MYO6: variants seen among roughly 807,000 people sequenced by gnomAD.
The protein encoded by MYO6 is myosin VI, also known as unconventional myosin-VI.
In MYO6, 74 loss-of-function variants were observed where a neutral mutation model predicts 178.7. The observed-to-expected ratio is 0.41, with a 90% CI of 0.34 to 0.50. The LOEUF is 0.50. Among genes scored for constraint, MYO6 ranks in the 20% least tolerant of loss-of-function variants. MYO6 has a pLI of 0.09. For synonymous variants in MYO6, 477 were observed against 504.6 expected (o/e 0.95, Z 0.73); for missense variants, 1,330 against 1,547.4 (o/e 0.86, Z 2.36).
Position 75,919,323 on chromosome 6 carries a change from T to C in MYO6, c.*4311T>C, listed in dbSNP as rs772463932. On this transcript the variant is annotated 3_prime_UTR_variant, in exon 35 of 35. Transcript: ENST00000369977. ...TCGGTTATTCCACTCTTTATGTCCA[T>C]ATCTACACATTCAATCCTAATTTGT... 6.6e-6 allele frequency: 1 copy of C among 151,616 alleles called. No homozygotes were observed. The highest frequency in any genetic ancestry group is 1.5e-5 in the Non-Finnish European group (1 of 67,822). 9.4% of individuals were successfully genotyped at this position (151,616 alleles called of 1,614,324 possible). A position where few individuals can be genotyped will look rare whatever the true frequency, so the allele number is the denominator to read the frequency against.
At chr6:75,823,858 A>T (rs1003483477) in intron 3 of MYO6, among the ~76,000 whole-genome samples, 13 of 152,244 alleles carry the variant, frequency 8.5e-5, no homozygotes, top group African/African-American at 2.9e-4. Context: ...ATTAGAGATG[A>T]TATAAAGTGC....
At chr6:75,827,642 T>G (rs530626324) in intron 3 of MYO6, among the ~76,000 whole-genome samples, 2 of 152,182 alleles carry the variant, frequency 1.3e-5, no homozygotes, top group East Asian at 3.9e-4. Context: ...AGAACTAAAC[T>G]GGTATTGGAG....
intron 1 of MYO6, among the ~76,000 whole-genome samples, chr6:75,778,596 C>CAA (rs760998259): frequency 1.8e-5 from 2 of 110,610 alleles, no homozygotes; most frequent in African/African-American, 3.4e-5. Flanking sequence ...GACTCCGTCT[C>CAA]AAAAAAAAAA....
intron 1 of MYO6, among the ~76,000 whole-genome samples, chr6:75,770,809 A>G (rs1421861599): frequency 6.6e-6 from 1 of 152,044 alleles, no homozygotes; most frequent in East Asian, 1.9e-4. Flanking sequence ...TCCAATGACC[A>G]TTGTTTGTGT....
chr6:75,790,447 G>A (rs1158308785), intron 1 of MYO6, among the ~76,000 whole-genome samples: 1 of 150,016 alleles, frequency 6.7e-6, no homozygotes, highest in Non-Finnish European at 1.5e-5. Flanking sequence ...GCACGATCTC[G>A]GCTCACTCAC....
At chr6:75,756,712 A>C (rs1382957954) in intron 1 of MYO6, among the ~76,000 whole-genome samples, 2 of 152,112 alleles carry the variant, frequency 1.3e-5, no homozygotes, top group Non-Finnish European at 2.9e-5. Flanking sequence ...ACATTAGCTC[A>C]ATCACTGTGT....
chr6:75,900,668 T>G (rs553816607), intron 30 of MYO6, among the ~76,000 whole-genome samples: 2 of 152,300 alleles, frequency 1.3e-5, no homozygotes, highest in East Asian at 3.9e-4. Flanking sequence ...GAAAATTTTC[T>G]CCCATTTTGT....
At chr6:75,855,632 C>A (rs1775666178) in intron 12 of MYO6, among the ~76,000 whole-genome samples, 2 of 152,100 alleles carry the variant, frequency 1.3e-5, no homozygotes, top group African/African-American at 4.8e-5. Context: ...TTAAGCAGAT[C>A]TCACTTCAGC....
intron 3 of MYO6, among the ~76,000 whole-genome samples, chr6:75,826,920 GA>G (rs980185367): frequency 1.0e-4 from 15 of 146,514 alleles, no homozygotes; most frequent in Non-Finnish European, 1.8e-4. Context: ...CTCAAAAAAA[GA>G]AAAAAAAAAG....
At position 75,812,003 on chromosome 6, in the gene MYO6, T is replaced by A. The variant is rs182799686; in HGVS notation, c.-47-5498T>A. ...GGTGGAGCTGAGTTTCAAGCCTAGG[T>A]TTTTTTTTCTGTTTTTTGTTTTTTG... On this transcript the variant is annotated intron_variant, in intron 1 of 34. Coordinates refer to ENST00000369977, the MANE Select transcript of MYO6 (RefSeq NM_004999.4). Among the ~76,000 whole-genome samples, 35 of 135,002 alleles carry A rather than the reference T, an allele frequency of 2.6e-4. 1 individual carries two copies. In the East Asian group the frequency reaches 6.1e-3, roughly 23 times the overall value. The allele number at this position is 135,002 out of a possible 152,430, so 88.6% of individuals were successfully genotyped here.
intron 1 of MYO6, among the ~76,000 whole-genome samples, chr6:75,807,488 G>T (rs1214862792): frequency 6.6e-6 from 1 of 151,920 alleles, no homozygotes; most frequent in Non-Finnish European, 1.5e-5. Flanking sequence ...TTTGATGCTG[G>T]ATTATTTTTA....
In MYO6 at chr6:75,905,841, AGAAT is replaced by A. The variant is rs775463867; in HGVS notation, c.3177-1760_3177-1757del. Among the ~76,000 whole-genome samples, 36 of 152,232 alleles carry A rather than the reference AGAAT, an allele frequency of 2.4e-4. 1 individual carries two copies. The highest frequency in any genetic ancestry group is 8.8e-5 in the Non-Finnish European group (6 of 68,032). ...TGAAGTATGCTATTTTTTATTTTCT[AGAAT>A]GAAAGCATACAGAGACCTTTTAAAG... On this transcript the variant is annotated intron_variant, in intron 30 of 34. Coordinates refer to ENST00000369977, the MANE Select transcript of MYO6 (RefSeq NM_004999.4).
intron 8 of MYO6, 75 bp downstream of exon 8, chr6:75,840,757 T>G: frequency 9.3e-7 from 1 of 1,080,686 alleles, no homozygotes; most frequent in African/African-American, 1.6e-5. Flanking sequence ...TGGTGCTGTA[T>G]TTGCACTTAA....
rs1181208519 is a variant in MYO6, at chr6:75,855,239, AGTCAT to A, written c.1181_1185del (p.Val394AlafsTer26). On this transcript the variant is annotated frameshift_variant, in exon 12 of 35. Coordinates refer to ENST00000369977, the MANE Select transcript of MYO6 (RefSeq NM_004999.4). LOFTEE classifies it high-confidence loss of function. ...ATCTTCGAGTAAGTTTGACCACAAGAGTCATGCTAACAACAGCAGGGGGCACCAAA... is the reference window on the plus strand; with the variant it reads ...ATCTTCGAGTAAGTTTGACCACAAGAGCTAACAACAGCAGGGGGCACCAAA... 6.2e-7 allele frequency: 1 copy of A among 1,613,630 alleles called. No individual in the cohort carries two copies. The highest frequency in any genetic ancestry group is 8.5e-7 in the Non-Finnish European group (1 of 1,179,754).
chr6:75,911,827 T>C (rs1359558068), intron 33 of MYO6, 129 bp downstream of exon 33: 2 of 815,354 alleles, frequency 2.5e-6, no homozygotes, highest in Non-Finnish European at 2.1e-6. Context: ...AAAGTTGTTA[T>C]ATCCATACTA....
chr6:75,761,934 CTT>C (rs530262512), intron 1 of MYO6, among the ~76,000 whole-genome samples: 34 of 139,600 alleles, frequency 2.4e-4, no homozygotes, highest in East Asian at 2.1e-4. Context: ...TGTAACAGTT[CTT>C]TTTTTTTTTT....
rs1781046875 is a variant in MYO6 at position 75,915,018 on chromosome 6, G to A, written c.*6G>A. On this transcript the variant is annotated 3_prime_UTR_variant, in exon 35 of 35. Transcript: ENST00000369977. ...TGCAGAGTCTGTTAAAGTAGATGTT[G>A]CACACCAGCCTTACAGCTGGGAGCC... 6.2e-7 allele frequency: 1 copy of A among 1,610,166 alleles called. No homozygotes were observed. The highest frequency in any genetic ancestry group is 2.2e-5 in the East Asian group (1 of 44,804).
intron 1 of MYO6, among the ~76,000 whole-genome samples, chr6:75,770,438 C>G (rs962462228): frequency 2.0e-5 from 3 of 152,142 alleles, no homozygotes; most frequent in Non-Finnish European, 2.9e-5. Flanking sequence ...ATTTGTTGCT[C>G]TGTATGTGGT....
At chr6:75,853,197 C>A (rs1288862765) in intron 11 of MYO6, among the ~76,000 whole-genome samples, 1 of 152,080 alleles carries the variant, frequency 6.6e-6, no homozygotes, top group Non-Finnish European at 1.5e-5. Context: ...CTTTTTATTA[C>A]CAAGTTGTAA....
Sources: allele counts gnomAD v4.1 joint callset (sites outside exome capture counted in the v4.1 genomes callset), GRCh38; gene constraint gnomAD v4.1.1; transcripts MANE v1.5; gene names NCBI Gene and HGNC (gene_info 2026-07-23, HGNC 2026-07-21).